Variants in RALYL observed in about 807,000 individuals in gnomAD.
The protein encoded by RALYL is RNA-binding Raly-like protein.
Under a neutral mutation model 35.1 loss-of-function variants are expected in RALYL, and 29 were observed. The ratio of observed to expected loss-of-function variants is 0.83; its 90% CI spans 0.61 to 1.13. RALYL has a LOEUF of 1.13. Among genes scored for constraint, RALYL ranks in the 50% most tolerant of loss-of-function variants. The pLI is 0.00. For missense variants in RALYL, 359 were observed against 360.4 expected (o/e 1.00, Z 0.03); for synonymous variants, 120 against 127.6 (o/e 0.94, Z 0.40).
At position 84,668,731 on chromosome 8, in the gene RALYL, T is replaced by A. The variant is rs535228051; in HGVS notation, c.257-105848T>A. ...ATATGACAACATAATTTTGTTATGATGACTGTTATTAGAGCTTGGATGATA... is the reference window on the plus strand; with the variant it reads ...ATATGACAACATAATTTTGTTATGAAGACTGTTATTAGAGCTTGGATGATA... On this transcript the variant is annotated intron_variant, in intron 2 of 8. Coordinates refer to ENST00000521268, the MANE Select transcript of RALYL (RefSeq NM_173848.7). Among the ~76,000 whole-genome samples the A allele has an allele frequency of 1.1e-4, 16 of 152,270 alleles. No individual in the cohort carries two copies. In the South Asian group the frequency reaches 3.3e-3, roughly 32 times the overall value.
chr8:84,385,136 G>C (rs576148002), intron 1 of RALYL, among the ~76,000 whole-genome samples: 1 of 151,724 alleles, frequency 6.6e-6, no homozygotes, highest in African/African-American at 2.4e-5. Context: ...AGCATTTTGC[G>C]TGTATATGAG....
chr8:84,198,899 T>G (rs893024444), intron 1 of RALYL, among the ~76,000 whole-genome samples: 4 of 152,208 alleles, frequency 2.6e-5, no homozygotes, highest in African/African-American at 9.7e-5. Context: ...ATTTATCTGT[T>G]GATGGACACT....
intron 4 of RALYL, among the ~76,000 whole-genome samples, chr8:84,839,325 C>T (rs553473140): frequency 7.2e-5 from 11 of 152,344 alleles, no homozygotes; most frequent in East Asian, 1.9e-4. Context: ...GATTATATCC[C>T]GCACCTGGCT....
intron 2 of RALYL, among the ~76,000 whole-genome samples, chr8:84,678,622 T>C (rs1451097273): frequency 6.6e-6 from 1 of 152,174 alleles, no homozygotes; most frequent in Non-Finnish European, 1.5e-5. Context: ...AAAAGGAGGC[T>C]GCAAAAGGTC....
chr8:84,850,134 A>C (rs1254800654), intron 5 of RALYL, 107 bp downstream of exon 5: 2 of 520,660 alleles, frequency 3.8e-6, no homozygotes, highest in East Asian at 7.0e-5. Context: ...AAACAATATT[A>C]TTATAGTTAA....
At chr8:84,641,332 CA>C (rs1826274470) in intron 2 of RALYL, among the ~76,000 whole-genome samples, 2 of 151,564 alleles carry the variant, frequency 1.3e-5, no homozygotes, top group Non-Finnish European at 1.5e-5. Flanking sequence ...TAGTAACCTT[CA>C]ATTTTAGTAA....
At chr8:84,884,649 C>T (rs1384201917) in intron 7 of RALYL, among the ~76,000 whole-genome samples, 1 of 151,874 alleles carries the variant, frequency 6.6e-6, no homozygotes, top group Non-Finnish European at 1.5e-5. Context: ...ATATACTAGG[C>T]CAATTGAATT....
rs895571423 is a variant in RALYL at position 84,529,440 on chromosome 8, C to A, written c.119C>A (p.Ala40Asp). 3.7e-6 allele frequency: 6 copies of A among 1,613,424 alleles called. No homozygotes were observed. Among genetic ancestry groups the A allele is most frequent in the African/African-American group, 1.3e-5 (1 of 74,900 alleles). The change falls in exon 2 of 9, where the codon GCC (alanine) becomes GAC (aspartate). Residue 40 changes from alanine (A) to aspartate (D), a missense_variant. Ala to Asp is a moderately radical substitution (Grantham distance 126, BLOSUM62 -2). Transcript: ENST00000521268. Reference sequence around the variant, plus strand: ...ATTGTCAAGAAAGTTGACATTGAAGCCATTTTTTCAAAGTATGGAAAAATA... The same window carrying A: ...ATTGTCAAGAAAGTTGACATTGAAGACATTTTTTCAAAGTATGGAAAAATA... ...TAIVKKVDIE[A>D]IFSKYGKIVG...
chr8:84,521,278 G>C (rs1204401768), intron 1 of RALYL, among the ~76,000 whole-genome samples: 1 of 152,192 alleles, frequency 6.6e-6, no homozygotes, highest in African/African-American at 2.4e-5. Context: ...GCTGTCACCA[G>C]AACCCAAATT....
chr8:84,893,122 A>G (rs1844162724), intron 8 of RALYL, among the ~76,000 whole-genome samples: 1 of 152,170 alleles, frequency 6.6e-6, no homozygotes, highest in Non-Finnish European at 1.5e-5. Flanking sequence ...CATAGCCACT[A>G]TGGTCAATAA....
At position 84,851,407 on chromosome 8, in the gene RALYL, T is replaced by A. The variant is rs151079619; in HGVS notation, c.413+1380T>A. Among the ~76,000 whole-genome samples, 115 of 152,324 alleles carry A rather than the reference T, an allele frequency of 7.5e-4. 1 individual carries two copies. The East Asian group carries it at 0.017, about 22-fold the overall frequency. On this transcript the variant is annotated intron_variant, in intron 5 of 8. Coordinates refer to ENST00000521268, the MANE Select transcript of RALYL (RefSeq NM_173848.7). ...AAAATTTGTGTTGTCGGAGAACTGG[T>A]GTTATTTAACTAATATCAGTAACTG...
intron 2 of RALYL, among the ~76,000 whole-genome samples, chr8:84,592,279 C>G (rs181036647): frequency 3.8e-4 from 58 of 152,128 alleles, no homozygotes; most frequent in African/African-American, 1.3e-3. Flanking sequence ...GAAATATATA[C>G]CAGGACAGGA....
chr8:84,705,892 G>A, intron 2 of RALYL: 1 of 1,470,596 alleles, frequency 6.8e-7, no homozygotes. Context: ...GTATTACCCT[G>A]GCTTTCACTG....
At chr8:84,910,355 TCAA>T in intron 8 of RALYL, among the ~76,000 whole-genome samples, 1 of 152,232 alleles carries the variant, frequency 6.6e-6, no homozygotes, top group East Asian at 1.9e-4. Context: ...AGTCATACTA[TCAA>T]AGTCTTGGGC....
At chr8:84,654,271 A>ATATATATGTG (rs1491182411) in intron 2 of RALYL, among the ~76,000 whole-genome samples, 2 of 6,536 alleles carry the variant, frequency 3.1e-4, no homozygotes, top group Non-Finnish European at 6.7e-4. Context: ...CTCATGTTCC[A>ATATATATGTG]TATATATATA....
chr8:84,621,134 G>A (rs1189519468), intron 2 of RALYL, among the ~76,000 whole-genome samples: 1 of 152,178 alleles, frequency 6.6e-6, no homozygotes, highest in Non-Finnish European at 1.5e-5. Flanking sequence ...CGAGCTTCCT[G>A]GCTGCTCTGT....
intron 1 of RALYL, among the ~76,000 whole-genome samples, chr8:84,423,147 G>A (rs1451418524): frequency 2.6e-4 from 39 of 150,734 alleles, no homozygotes; most frequent in African/African-American, 6.7e-4. Context: ...TTGACAGTGG[G>A]GTGTTAAAGT....
At chr8:84,820,096 G>C (rs1374945755) in intron 4 of RALYL, among the ~76,000 whole-genome samples, 1 of 152,096 alleles carries the variant, frequency 6.6e-6, no homozygotes, top group Non-Finnish European at 1.5e-5. Flanking sequence ...ACTCAACCCA[G>C]TAACAATTTG....
At chr8:84,326,965 G>A (rs28688042) in intron 1 of RALYL, among the ~76,000 whole-genome samples, 1 of 152,120 alleles carries the variant, frequency 6.6e-6, no homozygotes, top group Admixed American at 6.6e-5. Context: ...TGGAGAATGG[G>A]GGGCAACTAG....
Sources: gnomAD v4.1 joint callset for allele counts (sites outside exome capture counted in the v4.1 genomes callset) on GRCh38, gnomAD v4.1.1 for gene constraint, MANE v1.5 for transcripts, NCBI Gene and HGNC (gene_info 2026-07-23, HGNC 2026-07-21) for gene names.